The following STAU2 variants were observed in gnomAD, a reference collection of about 807,000 sequenced individuals.
STAU2 encodes the protein double-stranded RNA-binding protein Staufen homolog 2.
Under a neutral mutation model 65.9 loss-of-function variants are expected in STAU2, and 20 were observed. The observed-to-expected ratio is 0.30, with a 90% CI of 0.21 to 0.44. The LOEUF (loss-of-function observed/expected upper bound fraction) is 0.44. Ranked by LOEUF, STAU2 falls within the 20% of genes least tolerant of loss-of-function variation. The pLI is 1.00. For missense variants in STAU2, 558 were observed against 683.9 expected, an observed-to-expected ratio of 0.82 and a Z score of 2.05; for synonymous variants, 232 against 233.9, an observed-to-expected ratio of 0.99 and a Z score of 0.07.
chr8:73,479,946 C>T (rs1820524591), intron 13 of STAU2, among the ~76,000 whole-genome samples: 1 of 151,996 alleles, frequency 6.6e-6, no homozygotes, highest in Non-Finnish European at 1.5e-5. Flanking sequence ...CTACTGGTTT[C>T]CCTGTCTCCA....
intron 6 of STAU2, among the ~76,000 whole-genome samples, chr8:73,669,298 A>G (rs1817486491): frequency 1.3e-5 from 2 of 152,162 alleles, no homozygotes; most frequent in South Asian, 4.1e-4. Flanking sequence ...ACACTCCAAA[A>G]AAGGAAAAGT....
intron 3 of STAU2, among the ~76,000 whole-genome samples, chr8:73,719,521 A>T (rs1229856679): frequency 6.6e-6 from 1 of 152,354 alleles, no homozygotes; most frequent in East Asian, 1.9e-4. Flanking sequence ...AGTCTTTATG[A>T]TACTGAATAT....
rs1017765900 is a variant in STAU2 at position 73,495,678 on chromosome 8, T to C, written c.1530+56334A>G. 1.4e-5 allele frequency among the ~76,000 whole-genome samples: 2 copies of C among 147,734 alleles called. 1 individual carries two copies. The highest frequency in any genetic ancestry group is 5.0e-5 in the African/African-American group (2 of 40,270). ...ATAAAGCCAAATATATATATATATA[T>C]ATATATATATGTATAGTTAACACTA... On this transcript the variant is annotated intron_variant, in intron 13 of 14. Coordinates refer to ENST00000524300, the MANE Select transcript of STAU2 (RefSeq NM_001164380.2).
intron 5 of STAU2, 42 bp downstream of exon 5, chr8:73,688,610 AAC>A: frequency 6.2e-7 from 1 of 1,609,142 alleles, no homozygotes; most frequent in Non-Finnish European, 8.5e-7. Flanking sequence ...CAACAAGCAG[AAC>A]ACACATAGCA....
At chr8:73,570,954 T>C (rs1330009814) in intron 12 of STAU2, among the ~76,000 whole-genome samples, 2 of 152,068 alleles carry the variant, frequency 1.3e-5, no homozygotes, top group African/African-American at 4.8e-5. Flanking sequence ...GACTGGCAGT[T>C]TGGATAAAGA....
At chr8:73,706,124 A>AT (rs11348407) in intron 4 of STAU2, among the ~76,000 whole-genome samples, 4 of 150,604 alleles carry the variant, frequency 2.7e-5, no homozygotes, top group Admixed American at 1.3e-4. Flanking sequence ...AAGAAAAAAA[A>AT]TTTTTTTTTT....
chr8:73,735,754 T>C (rs1186918018), intron 3 of STAU2, among the ~76,000 whole-genome samples: 1 of 152,196 alleles, frequency 6.6e-6, no homozygotes, highest in African/African-American at 2.4e-5. Context: ...ATGTAGAGAA[T>C]TGCCTAGGAA....
rs571796476 is a variant in STAU2 at position 73,723,828 on chromosome 8, G to A, written c.-18+14456C>T. The stretch of plus-strand genomic sequence containing the variant: ...GTGTCAGTTCTGTGTCAATTTTGAC[G>A]GAAGATTCTCATAATTATGGGTCAT... On this transcript the variant is annotated intron_variant, in intron 3 of 14. Transcript: ENST00000524300. 8.2e-4 allele frequency among the ~76,000 whole-genome samples: 125 copies of A among 152,246 alleles called. 1 individual carries two copies. Among genetic ancestry groups the A allele is most frequent in the African/African-American group, 2.9e-3 (120 of 41,552 alleles).
chr8:73,582,868 A>T (rs1344090335), intron 11 of STAU2, 38 bp from the exon 12 acceptor site: 1 of 1,577,338 alleles, frequency 6.3e-7, no homozygotes, highest in African/African-American at 1.4e-5. Context: ...CCAGAGAAAC[A>T]AGCTTATTCA....
intron 6 of STAU2, among the ~76,000 whole-genome samples, chr8:73,651,046 C>G (rs1311826292): frequency 6.6e-6 from 1 of 152,210 alleles, no homozygotes; most frequent in African/African-American, 2.4e-5. Context: ...TTGTGGCGGG[C>G]AGCAGCCCTC....
intron 11 of STAU2, among the ~76,000 whole-genome samples, chr8:73,592,594 C>G (rs1012512077): frequency 6.6e-6 from 1 of 152,160 alleles, no homozygotes; most frequent in Non-Finnish European, 1.5e-5. Context: ...TGAGGTGCCT[C>G]ACGCCTGTAA....
At chr8:73,677,060 G>A (rs1055516161) in intron 5 of STAU2, among the ~76,000 whole-genome samples, 2 of 152,126 alleles carry the variant, frequency 1.3e-5, no homozygotes, top group African/African-American at 4.8e-5. Context: ...ATTTTTAAGT[G>A]GGAAAAACAT....
intron 13 of STAU2, among the ~76,000 whole-genome samples, chr8:73,512,621 T>C (rs986264179): frequency 6.6e-6 from 1 of 152,134 alleles, no homozygotes; most frequent in Non-Finnish European, 1.5e-5. Flanking sequence ...TAACTGAACT[T>C]GTTTATCAGT....
intron 13 of STAU2, among the ~76,000 whole-genome samples, chr8:73,504,610 C>T (rs1821954163): frequency 6.6e-6 from 1 of 151,874 alleles, no homozygotes. Context: ...CTCTCTCTGG[C>T]AGCTTACTTT....
At chr8:73,516,870 A>G (rs563376734) in intron 13 of STAU2, among the ~76,000 whole-genome samples, 19 of 152,292 alleles carry the variant, frequency 1.2e-4, no homozygotes, top group African/African-American at 4.6e-4. Flanking sequence ...AAGTCTATAT[A>G]GGCAACAGTT....
chr8:73,721,907 T>A (rs1391086990), intron 3 of STAU2, among the ~76,000 whole-genome samples: 1 of 152,236 alleles, frequency 6.6e-6, no homozygotes, highest in Non-Finnish European at 1.5e-5. Flanking sequence ...TGACTATTCA[T>A]ATGGTTAGGT....
intron 13 of STAU2, chr8:73,550,505 T>C: frequency 2.0e-6 from 2 of 986,488 alleles, no homozygotes; most frequent in Non-Finnish European, 2.4e-6. Flanking sequence ...AGTGTTACTC[T>C]CAGACATTTC....
chr8:73,574,710 G>C (rs557322560), intron 12 of STAU2, among the ~76,000 whole-genome samples: 1 of 152,242 alleles, frequency 6.6e-6, no homozygotes, highest in Non-Finnish European at 1.5e-5. Context: ...TGAACAATGA[G>C]AATACTTGGA....
At chr8:73,450,621 CA>C (rs1209884446) in intron 13 of STAU2, among the ~76,000 whole-genome samples, 8 of 152,324 alleles carry the variant, frequency 5.3e-5, no homozygotes, top group African/African-American at 1.7e-4. Context: ...CTTCTGATGA[CA>C]AATGTTCTTT....
Sources: gnomAD v4.1 joint callset for allele counts (sites outside exome capture counted in the v4.1 genomes callset) on GRCh38, gnomAD v4.1.1 for gene constraint, MANE v1.5 for transcripts, NCBI Gene and HGNC (gene_info 2026-07-23, HGNC 2026-07-21) for gene names.